BTBD16: variants seen among roughly 807,000 people sequenced by gnomAD.
BTBD16 encodes BTB/POZ domain-containing protein 16.
BTBD16 carries 66 observed loss-of-function variants against 67.4 expected under a neutral mutation model. The ratio of observed to expected loss-of-function variants is 0.98; its 90% CI spans 0.80 to 1.20. The LOEUF (loss-of-function observed/expected upper bound fraction) is 1.20. Among genes scored for constraint, BTBD16 ranks in the 50% most tolerant of loss-of-function variants. The probability of loss-of-function intolerance (pLI) is 0.00; values close to 1 mark genes in which losing one functional copy is unlikely to be tolerated. For missense variants in BTBD16, 634 were observed against 616.0 expected, an observed-to-expected ratio of 1.03 and a Z score of -0.31; for synonymous variants, 242 against 236.4, an observed-to-expected ratio of 1.02 and a Z score of -0.22.
rs755133680 is a variant in BTBD16 at position 122,276,839 on chromosome 10, C to T, written c.67C>T (p.Arg23Cys). ...RRVTGSTNRW[R>C]LPKQPFSGDL... is the part of the protein sequence containing the mutation. ...GGTCACTGGCTCAACCAACCGGTGG[C>T]GTTTGCCCAAACAGCCTTTCTCTGG... Residue 23 changes from arginine (R) to cysteine (C), a missense_variant, in exon 3 of 16, where the codon CGT (arginine) becomes TGT (cysteine). Physicochemically the swap from Arg to Cys is radical, Grantham distance 180 (BLOSUM62 -3). Transcript: ENST00000260723. The T allele has an allele frequency of 1.9e-5, 30 of 1,614,110 alleles. No homozygotes were observed. Among genetic ancestry groups the T allele is most frequent in the Non-Finnish European group, 2.4e-5 (28 of 1,180,040 alleles).
chr10:122,293,746 G>C (rs1243437785), intron 7 of BTBD16, among the ~76,000 whole-genome samples: 3 of 152,186 alleles, frequency 2.0e-5, no homozygotes, highest in African/African-American at 7.2e-5. Flanking sequence ...CCTTTCGACA[G>C]AGTATTTCTG....
intron 9 of BTBD16, among the ~76,000 whole-genome samples, chr10:122,299,861 C>T (rs572435483): frequency 5.9e-5 from 9 of 152,158 alleles, no homozygotes; most frequent in Non-Finnish European, 1.2e-4. Flanking sequence ...CCCTTCTAAT[C>T]GCATCTCTAG....
intron 10 of BTBD16, among the ~76,000 whole-genome samples, chr10:122,324,480 A>T (rs753665359): frequency 6.6e-6 from 1 of 152,252 alleles, no homozygotes; most frequent in African/African-American, 2.4e-5. Flanking sequence ...TTGCAGATGT[A>T]GCCAGAGTTA....
chr10:122,292,701 G>A (rs11200536), intron 7 of BTBD16, among the ~76,000 whole-genome samples: 16,481 of 152,234 alleles, frequency 0.11, 1,168 homozygotes, highest in East Asian at 0.26. Context: ...GGAGGCCAAG[G>A]AGACAGTGAG....
intron 10 of BTBD16, among the ~76,000 whole-genome samples, chr10:122,316,641 T>C (rs867488308): frequency 2.6e-5 from 4 of 152,174 alleles, no homozygotes; most frequent in African/African-American, 9.6e-5. Context: ...TCTAAACATA[T>C]ATGATGTAAA....
chr10:122,317,244 A>G (rs1194968974), intron 10 of BTBD16, among the ~76,000 whole-genome samples: 2 of 152,204 alleles, frequency 1.3e-5, no homozygotes, highest in Admixed American at 6.5e-5. Context: ...AAACACAAAC[A>G]CGTTATACAA....
chr10:122,330,047 G>T (rs2096452722), intron 11 of BTBD16, among the ~76,000 whole-genome samples: 1 of 152,178 alleles, frequency 6.6e-6, no homozygotes, highest in South Asian at 2.1e-4. Flanking sequence ...GCCACCCAGT[G>T]AGATCTTTGC....
intron 12 of BTBD16, 26 bp downstream of exon 12, chr10:122,331,284 C>G (rs1029345698): frequency 1.9e-6 from 3 of 1,605,616 alleles, no homozygotes; most frequent in Admixed American, 1.7e-5. Context: ...TGCAAGGACA[C>G]AGTTGTCGAA....
At chr10:122,283,023 C>T (rs2096356191) in intron 3 of BTBD16, among the ~76,000 whole-genome samples, 1 of 152,108 alleles carries the variant, frequency 6.6e-6, no homozygotes, top group Non-Finnish European at 1.5e-5. Flanking sequence ...GGAGTGGGGA[C>T]CGTTGAGGGA....
intron 5 of BTBD16, among the ~76,000 whole-genome samples, chr10:122,289,450 G>A (rs189548890): frequency 9.9e-5 from 15 of 152,248 alleles, no homozygotes; most frequent in African/African-American, 2.9e-4. Context: ...TTAAAAATGC[G>A]TCTATAGGCC....
At chr10:122,287,569 C>T (rs970539667) in intron 5 of BTBD16, 1 of 756,888 alleles carries the variant, frequency 1.3e-6, no homozygotes, top group African/African-American at 1.9e-5. Context: ...ATGGACCGAT[C>T]AAGCCATGGG....
chr10:122,293,660 G>A (rs1376920488), intron 7 of BTBD16, among the ~76,000 whole-genome samples: 1 of 152,182 alleles, frequency 6.6e-6, no homozygotes, highest in Non-Finnish European at 1.5e-5. Context: ...TGAGATTCCC[G>A]TGTCCCTTCC....
At chr10:122,291,017 C>A in intron 6 of BTBD16, 63 bp from the exon 7 acceptor site, 1 of 1,478,682 alleles carries the variant, frequency 6.8e-7, no homozygotes. Context: ...TGAGGGAGGG[C>A]GCTGGGTGGT....
At chr10:122,287,535 C>T in intron 5 of BTBD16, 1 of 930,410 alleles carries the variant, frequency 1.1e-6, no homozygotes, top group Non-Finnish European at 1.3e-6. Context: ...ACTGTCACAA[C>T]TCCAGGGTCT....
chr10:122,318,320 G>T (rs1330123375), intron 10 of BTBD16, among the ~76,000 whole-genome samples: 2 of 152,064 alleles, frequency 1.3e-5, no homozygotes, highest in Non-Finnish European at 2.9e-5. Context: ...TGTATCAGTA[G>T]GTCTTTTTGT....
chr10:122,334,494 CTTTTTTTTTTTTT>C (rs869262992), intron 13 of BTBD16, among the ~76,000 whole-genome samples: 12 of 43,284 alleles, frequency 2.8e-4, no homozygotes, highest in Admixed American at 8.0e-4. Flanking sequence ...CGTGCCCGGC[CTTTTTTTTTTTTT>C]TTTTTTTTTT....
At chr10:122,294,519 C>T (rs912092362) in intron 7 of BTBD16, among the ~76,000 whole-genome samples, 5 of 152,092 alleles carry the variant, frequency 3.3e-5, no homozygotes, top group Admixed American at 6.5e-5. Flanking sequence ...CTGTCACATG[C>T]GTGTACCAGC....
At chr10:122,275,227 G>T (rs1466467175) in intron 2 of BTBD16, 128 bp downstream of exon 2, 6 of 931,324 alleles carry the variant, frequency 6.4e-6, no homozygotes, top group Non-Finnish European at 1.0e-5. Context: ...TGGCTGACTC[G>T]GCTGGAAAGA....
intron 11 of BTBD16, 70 bp from the exon 12 acceptor site, chr10:122,331,106 C>A (rs569654075): frequency 1.9e-6 from 3 of 1,562,024 alleles, no homozygotes; most frequent in South Asian, 2.4e-5. Context: ...CTTTTCCTTT[C>A]TGTAAATGAG....
Sources: gnomAD v4.1 joint callset for allele counts (sites outside exome capture counted in the v4.1 genomes callset) on GRCh38, gnomAD v4.1.1 for gene constraint, MANE v1.5 for transcripts, NCBI Gene and HGNC (gene_info 2026-07-23, HGNC 2026-07-21) for gene names.